The following CALN1 variants were observed in gnomAD, a reference collection of about 807,000 sequenced individuals.
CALN1 encodes calcium-binding protein 8.
In CALN1, 17 loss-of-function variants were observed where a neutral mutation model predicts 30.6. The observed-to-expected ratio is 0.56, with a 90% CI of 0.38 to 0.83. The LOEUF (loss-of-function observed/expected upper bound fraction) is 0.83, where lower values mean the gene tolerates loss of function less well. Ranked by LOEUF, CALN1 falls within the 40% of genes least tolerant of loss-of-function variation. The pLI, the probability that CALN1 is intolerant of heterozygous loss-of-function variation, is 0.00. For missense variants in CALN1, 291 were observed against 354.9 expected (o/e 0.82, Z 1.45); for synonymous variants, 156 against 131.4 (o/e 1.19, Z -1.28).
At position 71,784,235 on chromosome 7, in the gene CALN1, G is replaced by C. The variant is rs1389419420; in HGVS notation, c.*3540C>G. The C allele has an allele frequency of 1.3e-5, 2 of 152,172 alleles. No homozygotes were observed. Among genetic ancestry groups the C allele is most frequent in the Non-Finnish European group, 1.5e-5 (1 of 68,054 alleles). The allele number at this position is 152,172 out of a possible 1,614,324, so 9.4% of individuals were successfully genotyped here. On this transcript the variant is annotated 3_prime_UTR_variant, in exon 7 of 7. Transcript: ENST00000395275. ...CTCTCCTGAGTAAATAGAAGGACAA[G>C]TTCAAATGCCAGACAAAAAGGCAGA...
At chr7:72,294,112 C>G (rs1210184508) in intron 2 of CALN1, among the ~76,000 whole-genome samples, 1 of 151,876 alleles carries the variant, frequency 6.6e-6, no homozygotes, top group Non-Finnish European at 1.5e-5. Context: ...AAATGAGATT[C>G]AGTTTCCTTC....
intron 5 of CALN1, among the ~76,000 whole-genome samples, chr7:71,831,871 CAAAAA>C (rs751078568): frequency 1.4e-4 from 3 of 20,878 alleles, no homozygotes; most frequent in Non-Finnish European, 1.9e-4. Context: ...AACCCTGCCT[CAAAAA>C]AAAAAAAAAA....
chr7:71,849,928 C>T (rs1003125972), intron 5 of CALN1, among the ~76,000 whole-genome samples: 1 of 152,184 alleles, frequency 6.6e-6, no homozygotes, highest in Non-Finnish European at 1.5e-5. Context: ...CCATCGCACT[C>T]AACCCGTACT....
intron 5 of CALN1, among the ~76,000 whole-genome samples, chr7:71,947,935 A>AC (rs11400761): frequency 2.3e-4 from 3 of 13,324 alleles, no homozygotes; most frequent in East Asian, 1.3e-3. Context: ...ACTCCGTCTC[A>AC]AAAAAAAAAA....
At chr7:72,008,657 ATTT>A (rs377110167) in intron 5 of CALN1, among the ~76,000 whole-genome samples, 3 of 139,282 alleles carry the variant, frequency 2.2e-5, no homozygotes, top group East Asian at 2.1e-4. Flanking sequence ...AAGACTTTCA[ATTT>A]TTTTTTTTTT....
intron 5 of CALN1, among the ~76,000 whole-genome samples, chr7:71,867,663 G>A (rs544015753): frequency 6.6e-5 from 10 of 152,172 alleles, no homozygotes; most frequent in East Asian, 3.9e-4. Flanking sequence ...TCGATCTTTC[G>A]ACCTCGTGAT....
At chr7:72,146,543 T>C (rs1786745230) in intron 3 of CALN1, among the ~76,000 whole-genome samples, 1 of 152,106 alleles carries the variant, frequency 6.6e-6, no homozygotes, top group African/African-American at 2.4e-5. Context: ...CCATACAGCC[T>C]AAGGTAATTT....
chr7:72,207,042 T>C (rs1562736027), intron 3 of CALN1, among the ~76,000 whole-genome samples: 2 of 152,168 alleles, frequency 1.3e-5, no homozygotes, highest in Non-Finnish European at 2.9e-5. Flanking sequence ...CTAACATCAA[T>C]ATCAATGATA....
intron 3 of CALN1, among the ~76,000 whole-genome samples, chr7:72,147,481 G>GATGTGGAGAAATCGGAAC (rs775589538): frequency 2.0e-5 from 2 of 100,840 alleles, no homozygotes; most frequent in Non-Finnish European, 2.3e-5. Context: ...TGTTGGAGAG[G>GATGTGGAGAAATCGGAAC]ACTGTTACAC....
rs1792784719 is a variant in CALN1 at position 71,782,715 on chromosome 7, A to G, written c.*5060T>C. 2 of 152,148 alleles carry G rather than the reference A, an allele frequency of 1.3e-5. No individual in the cohort carries two copies. The highest frequency in any genetic ancestry group is 4.8e-5 in the African/African-American group (2 of 41,438). 9.4% of individuals were successfully genotyped at this position (152,148 alleles called of 1,614,324 possible). A position where few individuals can be genotyped will look rare whatever the true frequency, so the allele number is the denominator to read the frequency against. The stretch of plus-strand genomic sequence containing the variant: ...TGTCACTTTAAATAATTTAAATTGA[A>G]AAGTCTTAGCTGGTGAATAATGTTT... On this transcript the variant is annotated 3_prime_UTR_variant, in exon 7 of 7. Coordinates refer to ENST00000395275, the MANE Select transcript of CALN1 (RefSeq NM_031468.4).
intron 4 of CALN1, among the ~76,000 whole-genome samples, chr7:72,098,442 A>C (rs1806392056): frequency 6.6e-6 from 1 of 152,136 alleles, no homozygotes; most frequent in South Asian, 2.1e-4. Flanking sequence ...AGTGGCTCAC[A>C]TCTGTAATCC....
At chr7:72,299,096 G>GCT (rs1368248651) in intron 2 of CALN1, among the ~76,000 whole-genome samples, 4 of 152,168 alleles carry the variant, frequency 2.6e-5, no homozygotes, top group Non-Finnish European at 5.9e-5. Flanking sequence ...AGTGTGAGAT[G>GCT]CTCTCCTTTT....
intron 1 of CALN1, among the ~76,000 whole-genome samples, chr7:72,445,324 G>C (rs780942347): frequency 1.3e-5 from 2 of 151,998 alleles, no homozygotes; most frequent in East Asian, 1.9e-4. Context: ...TCCACTGAAC[G>C]GTCTGTGAGC....
At chr7:71,843,088 A>G (rs1038710414) in intron 5 of CALN1, among the ~76,000 whole-genome samples, 2 of 152,172 alleles carry the variant, frequency 1.3e-5, no homozygotes, top group Admixed American at 6.5e-5. Flanking sequence ...CGGCCTCCAA[A>G]TAAGAAATGT....
At chr7:71,853,373 G>C (rs958074861) in intron 5 of CALN1, among the ~76,000 whole-genome samples, 2 of 151,850 alleles carry the variant, frequency 1.3e-5, no homozygotes. Context: ...TTTGATATAT[G>C]TATACATTAT....
chr7:72,194,592 C>CTTTTTTTT (rs1181135798), intron 3 of CALN1, among the ~76,000 whole-genome samples: 1 of 115,686 alleles, frequency 8.6e-6, no homozygotes, highest in East Asian at 2.8e-4. Flanking sequence ...TAACTGGCCT[C>CTTTTTTTT]TTTTTTTTTT....
chr7:72,054,691 AG>A (rs906797237), intron 4 of CALN1, among the ~76,000 whole-genome samples: 4 of 151,864 alleles, frequency 2.6e-5, no homozygotes, highest in African/African-American at 9.7e-5. Flanking sequence ...GTTCTTACTT[AG>A]AAGTGGGAGC....
chr7:71,912,115 T>G (rs1206454446), intron 5 of CALN1, among the ~76,000 whole-genome samples: 1 of 152,072 alleles, frequency 6.6e-6, no homozygotes, highest in Admixed American at 6.6e-5. Flanking sequence ...TAAGTAGGAC[T>G]TGCACTTTAA....
intron 5 of CALN1, among the ~76,000 whole-genome samples, chr7:71,870,331 C>T (rs1791849139): frequency 6.6e-6 from 1 of 150,950 alleles, no homozygotes; most frequent in East Asian, 2.0e-4. Flanking sequence ...TGCAGTGAGC[C>T]AAGATGGCAC....
Sources: gnomAD v4.1 joint callset for allele counts (sites outside exome capture counted in the v4.1 genomes callset) on GRCh38, gnomAD v4.1.1 for gene constraint, MANE v1.5 for transcripts, NCBI Gene and HGNC (gene_info 2026-07-23, HGNC 2026-07-21) for gene names.